Variants in RSU1 observed in about 807,000 individuals in gnomAD.
RSU1 encodes rsu-1.
A neutral mutation model predicts 31.1 loss-of-function variants in RSU1; 26 were observed. The ratio of observed to expected loss-of-function variants is 0.84; its 90% confidence interval spans 0.61 to 1.16. The LOEUF (loss-of-function observed/expected upper bound fraction) is 1.16. Among genes scored for constraint, RSU1 ranks in the 50% most tolerant of loss-of-function variants. RSU1 has a pLI of 0.00. For missense variants in RSU1, 320 were observed against 339.1 expected, an observed-to-expected ratio of 0.94 and a Z score of 0.44; for synonymous variants, 164 against 136.3, an observed-to-expected ratio of 1.20 and a Z score of -1.41.
chr10:16,680,449 T>A (rs1414651174), intron 8 of RSU1, among the ~76,000 whole-genome samples: 1 of 152,158 alleles, frequency 6.6e-6, no homozygotes, highest in East Asian at 1.9e-4. Flanking sequence ...GGCTAGGCAA[T>A]TTATACAGAA....
At chr10:16,745,788 C>T (rs1407728441) in intron 7 of RSU1, among the ~76,000 whole-genome samples, 2 of 152,174 alleles carry the variant, frequency 1.3e-5, no homozygotes, top group African/African-American at 2.4e-5. Flanking sequence ...GAGGTTTGAA[C>T]CCAAGCCTAG....
At chr10:16,596,220 GTTACC>G (rs1833609880) in intron 8 of RSU1, among the ~76,000 whole-genome samples, 1 of 152,180 alleles carries the variant, frequency 6.6e-6, no homozygotes, top group Admixed American at 6.5e-5. Context: ...CTGGGAGTAT[GTTACC>G]TTACATGACA....
rs1452376964 is a variant in RSU1 at position 16,591,939 on chromosome 10, T to G, written c.*1455A>C. 1 of 152,070 alleles carries G rather than the reference T, an allele frequency of 6.6e-6. No individual in the cohort carries two copies. The highest frequency in any genetic ancestry group is 1.5e-5 in the Non-Finnish European group (1 of 68,034). 9.4% of individuals were successfully genotyped at this position (152,070 alleles called of 1,614,324 possible). ...GGGGATGGGACCTGGGGAAGCCACT[T>G]CCCACATTTAAATGTTCTATCAGGA... On this transcript the variant is annotated 3_prime_UTR_variant, in exon 9 of 9. Transcript: ENST00000345264.
At chr10:16,768,024 G>A (rs765180121) in intron 3 of RSU1, among the ~76,000 whole-genome samples, 1 of 152,156 alleles carries the variant, frequency 6.6e-6, no homozygotes, top group Non-Finnish European at 1.5e-5. Flanking sequence ...GATATCTACA[G>A]GATGCATGAG....
In RSU1 at chr10:16,754,936, T is replaced by A; in HGVS notation, c.335A>T (p.Glu112Val). ...PRGFGSLPAL[E>V]VLDLTYNNLS... is the part of the protein sequence containing the mutation. ...GTTGTTGTACGTCAAGTCCAGAACC[T>A]CAAGAGCTGGCAGGGAGCCGAAGCC... is the stretch of plus-strand genomic sequence containing the variant. The change falls in exon 5 of 9, where the codon GAG becomes GTG. Residue 112 changes from glutamate to valine, a missense_variant. Transcript: ENST00000345264. 1 of 1,613,614 alleles carries A rather than the reference T, an allele frequency of 6.2e-7. No homozygotes were observed. Among genetic ancestry groups the A allele is most frequent in the Non-Finnish European group, 8.5e-7 (1 of 1,179,802 alleles).
intron 3 of RSU1, among the ~76,000 whole-genome samples, chr10:16,764,919 G>A (rs1837282877): frequency 6.6e-6 from 1 of 151,732 alleles, no homozygotes; most frequent in South Asian, 2.1e-4. Flanking sequence ...ATTGCCGTCA[G>A]AAGAAGAAAT....
intron 7 of RSU1, among the ~76,000 whole-genome samples, chr10:16,712,317 T>C (rs190306476): frequency 6.6e-6 from 1 of 152,170 alleles, no homozygotes; most frequent in Non-Finnish European, 1.5e-5. Flanking sequence ...GAGACTTTAA[T>C]CCATTTATAT....
chr10:16,708,596 T>C lies in RSU1; in HGVS notation c.599-13441A>G, dbSNP rs189013537. Among the ~76,000 whole-genome samples the C allele has an allele frequency of 1.4e-3, 209 of 152,282 alleles. 2 individuals carry two copies. The highest frequency in any genetic ancestry group is 4.7e-3 in the African/African-American group (197 of 41,576). ...GTGGTTCCATATGAATTTTAGGATT[T>C]TTTTTTCTATCTGTGTAAAGAATGT... On this transcript the variant is annotated intron_variant, in intron 7 of 8. Coordinates refer to ENST00000345264, the MANE Select transcript of RSU1 (RefSeq NM_012425.4).
chr10:16,645,451 A>C (rs974971473), intron 8 of RSU1, among the ~76,000 whole-genome samples: 1 of 152,074 alleles, frequency 6.6e-6, no homozygotes, highest in Non-Finnish European at 1.5e-5. Context: ...CAAAAGAAAA[A>C]ATTTCTTTCA....
At chr10:16,729,005 C>T (rs1033221055) in intron 7 of RSU1, among the ~76,000 whole-genome samples, 2 of 152,154 alleles carry the variant, frequency 1.3e-5, no homozygotes, top group Non-Finnish European at 2.9e-5. Context: ...TGTTTTCAGC[C>T]ACTGTTTGTG....
Position 16,767,000 on chromosome 10 carries a change from G to A in RSU1, c.161-2490C>T, listed in dbSNP as rs189936021. Among the ~76,000 whole-genome samples, 38 of 147,972 alleles carry A rather than the reference G, an allele frequency of 2.6e-4. No homozygotes were observed. The East Asian group carries it at 6.7e-3, about 26-fold the overall frequency. On this transcript the variant is annotated intron_variant, in intron 3 of 8. Coordinates refer to ENST00000345264, the MANE Select transcript of RSU1 (RefSeq NM_012425.4). ...CAAGCCATTACACTCCAGCCCGGGT[G>A]ACAAGAGTGAAACTCTATGTCCAAA...
chr10:16,601,327 C>T (rs1833711336), intron 8 of RSU1, among the ~76,000 whole-genome samples: 2 of 152,128 alleles, frequency 1.3e-5, no homozygotes, highest in South Asian at 2.1e-4. Context: ...ATTTAGTTTC[C>T]TCTACAGTAG....
chr10:16,757,096 TGTGG>T (rs1837108403), intron 4 of RSU1, among the ~76,000 whole-genome samples: 1 of 150,140 alleles, frequency 6.7e-6, no homozygotes, highest in African/African-American at 2.5e-5. Flanking sequence ...GTGTGGTGCG[TGTGG>T]GTATGTGTGG....
intron 3 of RSU1, among the ~76,000 whole-genome samples, chr10:16,774,586 A>G (rs1392812080): frequency 6.6e-6 from 1 of 152,106 alleles, no homozygotes; most frequent in Non-Finnish European, 1.5e-5. Flanking sequence ...ACAAACAAAA[A>G]AATAGCATCC....
rs1008355459 is a variant in RSU1, at chr10:16,699,249, G to A, written c.599-4094C>T. On this transcript the variant is annotated intron_variant, in intron 7 of 8. Transcript: ENST00000345264. ...TTTTGTTTTTCAACTTAATGTCACC[G>A]GTGGATAACACAATACCTGTTTCTG... Among the ~76,000 whole-genome samples the A allele has an allele frequency of 1.3e-4, 20 of 152,268 alleles. No homozygotes were observed. The East Asian group carries it at 1.4e-3, about 10-fold the overall frequency.
At chr10:16,814,451 G>GGAA (rs1554777362) in intron 2 of RSU1, among the ~76,000 whole-genome samples, 2 of 121,202 alleles carry the variant, frequency 1.7e-5, no homozygotes, top group African/African-American at 3.3e-5. Flanking sequence ...CTGTTTTCAG[G>GGAA]AAAAAAAAAA....
chr10:16,683,919 T>C (rs1404468268), intron 8 of RSU1, among the ~76,000 whole-genome samples: 2 of 152,242 alleles, frequency 1.3e-5, no homozygotes, highest in Admixed American at 6.5e-5. Flanking sequence ...CATTTTCTGG[T>C]TGACAATTGG....
At chr10:16,607,439 G>T (rs1339376683) in intron 8 of RSU1, among the ~76,000 whole-genome samples, 1 of 152,234 alleles carries the variant, frequency 6.6e-6, no homozygotes, top group Non-Finnish European at 1.5e-5. Context: ...GTGTCAGAGT[G>T]CAGGGCAGAG....
chr10:16,612,203 T>C (rs1362989712), intron 8 of RSU1, among the ~76,000 whole-genome samples: 1 of 152,224 alleles, frequency 6.6e-6, no homozygotes, highest in Non-Finnish European at 1.5e-5. Context: ...CCCAACGTTT[T>C]AGACAAAACA....
Sources: allele counts gnomAD v4.1 joint callset (sites outside exome capture counted in the v4.1 genomes callset), GRCh38; gene constraint gnomAD v4.1.1; transcripts MANE v1.5; gene names NCBI Gene and HGNC (gene_info 2026-07-23, HGNC 2026-07-21).